EXOC2: variants seen among roughly 807,000 people sequenced by gnomAD.
EXOC2 encodes exocyst complex component 2.
A neutral mutation model predicts 131.8 loss-of-function variants in EXOC2; 70 were observed. That is an observed-to-expected ratio of 0.53 (90% confidence interval 0.44 to 0.65). The LOEUF (loss-of-function observed/expected upper bound fraction) is 0.65, where lower values mean the gene tolerates loss of function less well. Ranked by LOEUF, EXOC2 falls within the 30% of genes least tolerant of loss-of-function variation. EXOC2 has a pLI of 0.00. For synonymous variants in EXOC2, 411 were observed against 398.4 expected, an observed-to-expected ratio of 1.03 and a Z score of -0.38; for missense variants, 923 against 1,108.6, an observed-to-expected ratio of 0.83 and a Z score of 2.38.
At chr6:569,034 A>G (rs758149382) in intron 13 of EXOC2, among the ~76,000 whole-genome samples, 1 of 152,222 alleles carries the variant, frequency 6.6e-6, no homozygotes, top group Non-Finnish European at 1.5e-5. Context: ...ATAGAGCTGA[A>G]TATCTCCAAC....
rs111723603 is a variant in EXOC2, at chr6:684,848, A to G, written c.-44+8171T>C. On this transcript the variant is annotated intron_variant, in intron 1 of 27. Transcript: ENST00000230449. ...CTGAAAGTAGTTTTAGAATCATAAAAGCAGTACTTTTTACTATTTAGTAAT... is the reference window on the plus strand; with the variant it reads ...CTGAAAGTAGTTTTAGAATCATAAAGGCAGTACTTTTTACTATTTAGTAAT... Among the ~76,000 whole-genome samples, 1,353 of 152,340 alleles carry G rather than the reference A, an allele frequency of 8.9e-3. 16 individuals carry two copies. The highest frequency in any genetic ancestry group is 0.03 in the African/African-American group (1,264 of 41,574).
intron 1 of EXOC2, among the ~76,000 whole-genome samples, chr6:655,544 C>A (rs575930604): frequency 6.6e-6 from 1 of 152,158 alleles, no homozygotes; most frequent in South Asian, 2.1e-4. Context: ...GAAAAATGAA[C>A]CTAATAAGCA....
chr6:556,526 C>T lies in EXOC2; in HGVS notation c.1890G>A (p.Gln630=). The change falls in exon 18 of 28, where the codon CAG becomes CAA. Residue 630 remains glutamine, a synonymous_variant. Coordinates refer to ENST00000230449, the MANE Select transcript of EXOC2 (RefSeq NM_018303.6). The stretch of plus-strand genomic sequence containing the variant: ...TGCACTCCAGAACCCCCTTCAGTGA[C>T]TGCAGAGAACACACGATGCACTGTT... ...QFEQCIVCSL[Q]SLKGVLECKP... The T allele has an allele frequency of 6.2e-7, 1 of 1,614,152 alleles. No homozygotes were observed. Among genetic ancestry groups the T allele is most frequent in the Non-Finnish European group, 8.5e-7 (1 of 1,180,026 alleles).
At chr6:647,306 T>C (rs536696415) in intron 1 of EXOC2, among the ~76,000 whole-genome samples, 2 of 152,004 alleles carry the variant, frequency 1.3e-5, no homozygotes, top group East Asian at 3.9e-4. Context: ...TAATTACCGT[T>C]GACATTAATG....
chr6:655,911 C>A, intron 1 of EXOC2: 2 of 485,744 alleles, frequency 4.1e-6, no homozygotes, highest in Non-Finnish European at 7.3e-6. Context: ...CCTGACAAAC[C>A]CAATAAACAA....
Position 576,894 on chromosome 6 carries a change from A to C in EXOC2, c.1193-12T>G, listed in dbSNP as rs762777743. On this transcript the variant is annotated splice_polypyrimidine_tract_variant and intron_variant, in intron 11 of 27. Transcript: ENST00000230449. ...CAGGCCTGGGTTACCTGGGGAAGAA[A>C]GGAGAGATATACAGAGTATATAGCA... is the stretch of plus-strand genomic sequence containing the variant. 10 of 1,613,462 alleles carry C rather than the reference A, an allele frequency of 6.2e-6. No individual in the cohort carries two copies. The African/African-American group carries it at 1.1e-4, about 17-fold the overall frequency.
chr6:501,251 T>TC (rs1334334233), intron 23 of EXOC2, among the ~76,000 whole-genome samples: 1 of 5,436 alleles, frequency 1.8e-4, no homozygotes, highest in Non-Finnish European at 3.9e-4. Context: ...TCTATATATA[T>TC]TATATATATC....
Position 556,513 on chromosome 6 carries a change from C to A in EXOC2, c.1903G>T (p.Val635Phe), listed in dbSNP as rs1450592477. The A allele has an allele frequency of 6.2e-7, 1 of 1,614,124 alleles. No homozygotes were observed. The highest frequency in any genetic ancestry group is 1.1e-5 in the South Asian group (1 of 91,068). ...GCCTCTCCCGGCTTGCACTCCAGAA[C>A]CCCCTTCAGTGACTGCAGAGAACAC... ...IVCSLQSLKG[V>F]LECKPGEASV... is the part of the protein sequence containing the mutation. The change falls in exon 18 of 28, where the codon GTT becomes TTT. Residue 635 changes from valine to phenylalanine, a missense_variant. Val to Phe is a conservative substitution (Grantham distance 50). Coordinates refer to ENST00000230449, the MANE Select transcript of EXOC2 (RefSeq NM_018303.6).
chr6:487,815 T>A (rs1318464774), intron 27 of EXOC2, among the ~76,000 whole-genome samples: 1 of 152,172 alleles, frequency 6.6e-6, no homozygotes, highest in Admixed American at 6.5e-5. Flanking sequence ...ATTTCACGGT[T>A]TAACAATGTT....
At chr6:563,852 C>A (rs577065333) in intron 16 of EXOC2, among the ~76,000 whole-genome samples, 181 bp downstream of exon 16, 21 of 152,174 alleles carry the variant, frequency 1.4e-4, no homozygotes, top group African/African-American at 3.4e-4. Flanking sequence ...GGTCTTAATT[C>A]TCAACAATAC....
At chr6:634,757 TAAC>T (rs751269666) in intron 2 of EXOC2, among the ~76,000 whole-genome samples, 44 of 152,310 alleles carry the variant, frequency 2.9e-4, no homozygotes, top group Non-Finnish European at 5.1e-4. Context: ...TTAATTATAA[TAAC>T]ACATTTTTAA....
In EXOC2 at chr6:504,249, C is replaced by T. The variant is rs531709289; in HGVS notation, c.2381-4549G>A. 2.0e-5 allele frequency among the ~76,000 whole-genome samples: 3 copies of T among 152,312 alleles called. No homozygotes were observed. The South Asian group carries it at 6.2e-4, about 32-fold the overall frequency. ...GTGATGCAGGGCTCGCCTGCGGCCT[C>T]GCAGTCTCTTCCTTAAATGGGAGGT... is the stretch of plus-strand genomic sequence containing the variant. On this transcript the variant is annotated intron_variant, in intron 23 of 27. Transcript: ENST00000230449.
At chr6:658,177 A>C (rs748870906) in intron 1 of EXOC2, among the ~76,000 whole-genome samples, 50 of 152,258 alleles carry the variant, frequency 3.3e-4, no homozygotes, top group Non-Finnish European at 3.8e-4. Flanking sequence ...CTGAAATGTC[A>C]ATTTTGTTTT....
chr6:495,188 C>T (rs4959958), intron 25 of EXOC2, among the ~76,000 whole-genome samples: 11,046 of 144,416 alleles, frequency 0.076, 536 homozygotes, highest in Middle Eastern at 0.26. Context: ...TGCAGTGGTG[C>T]GATCTCGGCT....
rs112148922 is a variant in EXOC2 at position 588,333 on chromosome 6, G to A, written c.1192+4136C>T. On this transcript the variant is annotated intron_variant, in intron 11 of 27. Coordinates refer to ENST00000230449, the MANE Select transcript of EXOC2 (RefSeq NM_018303.6). ...TCATTAAAACTGTAAAGTTCAAAGA[G>A]TTGTAAGGAATTGTTTCCACTTTTT... 3.7e-3 allele frequency among the ~76,000 whole-genome samples: 562 copies of A among 152,308 alleles called. 3 individuals carry two copies. Among genetic ancestry groups the A allele is most frequent in the African/African-American group, 0.013 (539 of 41,574 alleles).
intron 22 of EXOC2, among the ~76,000 whole-genome samples, chr6:533,890 C>T (rs893795837): frequency 5.3e-5 from 8 of 152,178 alleles, no homozygotes; most frequent in African/African-American, 1.7e-4. Flanking sequence ...AATAAACACA[C>T]GTCTAAGGGA....
chr6:559,278 G>A (rs1757579021), intron 17 of EXOC2, among the ~76,000 whole-genome samples: 1 of 152,224 alleles, frequency 6.6e-6, no homozygotes, highest in Non-Finnish European at 1.5e-5. Context: ...CCGAGGGACA[G>A]TCATAGTGAG....
intron 26 of EXOC2, among the ~76,000 whole-genome samples, chr6:489,698 G>C (rs1337128699): frequency 1.3e-5 from 2 of 152,202 alleles, no homozygotes; most frequent in Non-Finnish European, 2.9e-5. Context: ...TAATTAACTT[G>C]TACCATTCAC....
At chr6:514,601 ATG>A (rs1340841046) in intron 23 of EXOC2, among the ~76,000 whole-genome samples, 2 of 152,224 alleles carry the variant, frequency 1.3e-5, no homozygotes, top group Admixed American at 6.5e-5. Flanking sequence ...CCTGGTGTGC[ATG>A]TGAGGCTTTC....
Sources: allele counts gnomAD v4.1 joint callset (sites outside exome capture counted in the v4.1 genomes callset), GRCh38; gene constraint gnomAD v4.1.1; transcripts MANE v1.5; gene names NCBI Gene and HGNC (gene_info 2026-07-23, HGNC 2026-07-21).